ARL5A: variants seen among roughly 807,000 people sequenced by gnomAD.
The protein encoded by ARL5A is ADP-ribosylation factor-like protein 5A.
Under a neutral mutation model 25.9 loss-of-function variants are expected in ARL5A, and 18 were observed. That is an observed-to-expected ratio of 0.69 (90% CI 0.48 to 1.03). ARL5A has a LOEUF of 1.03. Ranked by LOEUF, ARL5A falls within the 50% of genes least tolerant of loss-of-function variation. ARL5A has a pLI of 0.00. For missense variants in ARL5A, 170 were observed against 211.9 expected (o/e 0.80, Z 1.23); for synonymous variants, 61 against 67.5 (o/e 0.90, Z 0.47).
intron 5 of ARL5A, among the ~76,000 whole-genome samples, chr2:151,803,653 G>A (rs776259061): frequency 2.6e-5 from 4 of 152,104 alleles, no homozygotes; most frequent in East Asian, 1.9e-4. Context: ...GACTACAGGC[G>A]TGTGCCACCA....
At chr2:151,819,608 C>T (rs1406050133) in intron 1 of ARL5A, among the ~76,000 whole-genome samples, 1 of 152,042 alleles carries the variant, frequency 6.6e-6, no homozygotes, top group Non-Finnish European at 1.5e-5. Flanking sequence ...AAAGTAAAAC[C>T]TCATCTGGCT....
At chr2:151,821,843 T>A (rs1033872761) in intron 1 of ARL5A, among the ~76,000 whole-genome samples, 10 of 148,888 alleles carry the variant, frequency 6.7e-5, no homozygotes, top group African/African-American at 2.2e-4. Context: ...GCTAATTTTT[T>A]AATTTATTTA....
intron 1 of ARL5A, among the ~76,000 whole-genome samples, chr2:151,826,549 T>A (rs1379521203): frequency 6.6e-6 from 1 of 152,218 alleles, no homozygotes; most frequent in Non-Finnish European, 1.5e-5. Flanking sequence ...CAATTCACAG[T>A]CTTGCTAAAC....
chr2:151,816,033 C>G (rs1189029536), intron 1 of ARL5A, among the ~76,000 whole-genome samples: 4 of 152,178 alleles, frequency 2.6e-5, no homozygotes, highest in South Asian at 2.1e-4. Context: ...CCTCTTGAAT[C>G]TGGGGTGGCC....
chr2:151,828,197 C>CG lies in ARL5A; in HGVS notation c.-22_-21insC, dbSNP rs558524196. ...CCCATTCTCGGGCAGCGGACCCCCC[C>CG]CCTCCAGACACCCGGGCCGCCTGGC... On this transcript the variant is annotated 5_prime_UTR_variant, in exon 1 of 6. Transcript: ENST00000295087. 5.7e-3 allele frequency: 9,151 copies of CG among 1,605,420 alleles called. 43 individuals are homozygous for CG. The highest frequency in any genetic ancestry group is 6.7e-3 in the Non-Finnish European group (7,825 of 1,176,088).
chr2:151,825,942 G>C (rs2151298539), intron 1 of ARL5A, among the ~76,000 whole-genome samples: 1 of 152,206 alleles, frequency 6.6e-6, no homozygotes, highest in South Asian at 2.1e-4. Context: ...GGCCAACGTG[G>C]TGAAACCCCA....
intron 1 of ARL5A, among the ~76,000 whole-genome samples, chr2:151,818,043 T>G (rs1578379219): frequency 6.6e-6 from 1 of 152,304 alleles, no homozygotes; most frequent in East Asian, 1.9e-4. Context: ...ACAATTCTGC[T>G]ACTATCCCAG....
chr2:151,822,307 C>T (rs535929920), intron 1 of ARL5A, among the ~76,000 whole-genome samples: 1 of 152,260 alleles, frequency 6.6e-6, no homozygotes, highest in African/African-American at 2.4e-5. Flanking sequence ...CACTGCGTCC[C>T]GGCCACCAAT....
intron 5 of ARL5A, among the ~76,000 whole-genome samples, chr2:151,805,956 C>A (rs1010496094): frequency 2.6e-5 from 4 of 152,046 alleles, no homozygotes; most frequent in East Asian, 3.9e-4. Flanking sequence ...TTTCCTTCCT[C>A]TTCTTGCCAC....
chr2:151,822,573 C>CTA (rs2099832489), intron 1 of ARL5A, among the ~76,000 whole-genome samples: 4 of 152,212 alleles, frequency 2.6e-5, no homozygotes. Context: ...CCAAAAAGTG[C>CTA]TATAATGCAC....
Position 151,800,048 on chromosome 2 carries a change from T to C in ARL5A, c.*3228A>G, listed in dbSNP as rs1031372276. 1 of 152,208 alleles carries C rather than the reference T, an allele frequency of 6.6e-6. No individual in the cohort carries two copies. Among genetic ancestry groups the C allele is most frequent in the African/African-American group, 2.4e-5 (1 of 41,446 alleles). 9.4% of individuals were successfully genotyped at this position (152,208 alleles called of 1,614,324 possible). On this transcript the variant is annotated 3_prime_UTR_variant, in exon 6 of 6. Coordinates refer to ENST00000295087, the MANE Select transcript of ARL5A (RefSeq NM_012097.4). Reference sequence around the variant, plus strand: ...AAAGTGATTGATGACAACATACAACTGGGCAGTTGAGAGAAGACTGGAGTT... The same window carrying C: ...AAAGTGATTGATGACAACATACAACCGGGCAGTTGAGAGAAGACTGGAGTT...
intron 5 of ARL5A, among the ~76,000 whole-genome samples, chr2:151,804,771 G>A (rs936478552): frequency 2.0e-5 from 3 of 152,146 alleles, no homozygotes; most frequent in Non-Finnish European, 4.4e-5. Context: ...GGTTGGCAAT[G>A]TTAGCAAATG....
At chr2:151,820,380 C>T (rs529588482) in intron 1 of ARL5A, among the ~76,000 whole-genome samples, 1 of 152,214 alleles carries the variant, frequency 6.6e-6, no homozygotes, top group African/African-American at 2.4e-5. Flanking sequence ...CATGTCTGGG[C>T]CAGGCACAGT....
chr2:151,803,117 T>C lies in ARL5A; in HGVS notation c.*159A>G, dbSNP rs2099829650. ...GAGAAAGCAAACTGGAAGGTGAGACTTCATCTTTGTTTTCAAATAAGTGGT... is the reference window on the plus strand; with the variant it reads ...GAGAAAGCAAACTGGAAGGTGAGACCTCATCTTTGTTTTCAAATAAGTGGT... On this transcript the variant is annotated 3_prime_UTR_variant, in exon 6 of 6. Transcript: ENST00000295087. The C allele has an allele frequency of 1.8e-6, 1 of 557,050 alleles. No homozygotes were observed. Among genetic ancestry groups the C allele is most frequent in the African/African-American group, 1.9e-5 (1 of 51,310 alleles). The allele number at this position is 557,050 out of a possible 1,614,324, so 34.5% of individuals were successfully genotyped here.
chr2:151,807,575 T>C (rs2099830259), intron 4 of ARL5A, among the ~76,000 whole-genome samples: 1 of 152,224 alleles, frequency 6.6e-6, no homozygotes, highest in Non-Finnish European at 1.5e-5. Context: ...TAGTACCTTC[T>C]AGCTGCATAG....
At chr2:151,807,578 C>T (rs1024265648) in intron 4 of ARL5A, among the ~76,000 whole-genome samples, 13 of 152,296 alleles carry the variant, frequency 8.5e-5, no homozygotes, top group Non-Finnish European at 1.6e-4. Context: ...TACCTTCTAG[C>T]TGCATAGGAA....
intron 4 of ARL5A, among the ~76,000 whole-genome samples, chr2:151,811,226 TAAAGCAAATC>T (rs2099830797): frequency 6.6e-6 from 1 of 152,188 alleles, no homozygotes; most frequent in Non-Finnish European, 1.5e-5. Context: ...ACAAAATTCT[TAAAGCAAATC>T]TCAAAAGCAA....
intron 1 of ARL5A, among the ~76,000 whole-genome samples, chr2:151,816,157 AG>A (rs914855741): frequency 6.6e-6 from 1 of 152,174 alleles, no homozygotes; most frequent in Non-Finnish European, 1.5e-5. Flanking sequence ...AAGTCCTCCT[AG>A]GGTAAGTCAG....
chr2:151,828,196 C>CCCG lies in ARL5A; in HGVS notation c.-21_-20insCGG, dbSNP rs1553735366. ...TCCCATTCTCGGGCAGCGGACCCCC[C>CCCG]CCCTCCAGACACCCGGGCCGCCTGG... On this transcript the variant is annotated 5_prime_UTR_variant, in exon 1 of 6. Transcript: ENST00000295087. 1.2e-6 allele frequency: 2 copies of CCCG among 1,605,280 alleles called. No individual in the cohort carries two copies. Among genetic ancestry groups the CCCG allele is most frequent in the Admixed American group, 3.4e-5 (2 of 59,180 alleles).
Sources: allele counts gnomAD v4.1 joint callset (sites outside exome capture counted in the v4.1 genomes callset), GRCh38; gene constraint gnomAD v4.1.1; transcripts MANE v1.5; gene names NCBI Gene and HGNC (gene_info 2026-07-23, HGNC 2026-07-21).